CAST: variants seen among roughly 807,000 people sequenced by gnomAD.
CAST encodes MIR583 host.
CAST carries 76 observed loss-of-function variants against 119.6 expected under a neutral mutation model. The observed-to-expected ratio is 0.64, with a 90% CI of 0.53 to 0.77. The LOEUF (loss-of-function observed/expected upper bound fraction) is 0.77. Ranked by LOEUF, CAST falls within the 30% of genes least tolerant of loss-of-function variation. The pLI, the probability that CAST is intolerant of heterozygous loss-of-function variation, is 0.00. For synonymous variants in CAST, 319 were observed against 331.6 expected (o/e 0.96, Z 0.41); for missense variants, 953 against 946.5 (o/e 1.01, Z -0.09).
chr5:96,273,860 C>T, the CAST span, among the ~76,000 whole-genome samples: 2 of 152,144 alleles, frequency 1.3e-5, no homozygotes, highest in African/African-American at 4.8e-5. Flanking sequence ...CAGTGAAGTA[C>T]TGACAGGGCA....
At chr5:96,273,812 T>A in the CAST span, among the ~76,000 whole-genome samples, 2 of 152,152 alleles carry the variant, frequency 1.3e-5, no homozygotes, top group African/African-American at 2.4e-5. Context: ...TTCTGATTGC[T>A]CGAGTATCTC....
chr5:96,549,323 A>C (rs1746080953), intron 1 of CAST, among the ~76,000 whole-genome samples: 1 of 152,270 alleles, frequency 6.6e-6, no homozygotes, highest in South Asian at 2.1e-4. Context: ...GATTATTCCA[A>C]AATTGGAGCC....
the CAST span, among the ~76,000 whole-genome samples, chr5:96,280,929 T>C: frequency 2.6e-5 from 4 of 152,160 alleles, no homozygotes; most frequent in Non-Finnish European, 5.9e-5. Context: ...CCTGAATTAT[T>C]AATTTCCAGG....
At chr5:96,325,155 G>A in the CAST span, among the ~76,000 whole-genome samples, 1 of 152,038 alleles carries the variant, frequency 6.6e-6, no homozygotes, top group Non-Finnish European at 1.5e-5. Context: ...GGTTACCTGA[G>A]ATCACACCAC....
the CAST span, among the ~76,000 whole-genome samples, chr5:96,161,562 G>T: frequency 1.3e-5 from 2 of 152,088 alleles, no homozygotes; most frequent in Non-Finnish European, 2.9e-5. Flanking sequence ...AAAGCAGGAG[G>T]TATGAGTCCT....
chr5:96,035,144 A>ATT, the CAST span, among the ~76,000 whole-genome samples: 20 of 144,242 alleles, frequency 1.4e-4, no homozygotes, highest in East Asian at 9.9e-4. Context: ...ATATATACTT[A>ATT]TTTTATATAT....
At chr5:96,342,127 G>A in the CAST span, among the ~76,000 whole-genome samples, 1 of 152,154 alleles carries the variant, frequency 6.6e-6, no homozygotes, top group Admixed American at 6.6e-5. Flanking sequence ...CCACCATGAT[G>A]CCCTCCAGGT....
upstream of CAST, among the ~76,000 whole-genome samples, chr5:96,657,572 G>C (rs188361214): frequency 1.1e-3 from 162 of 152,176 alleles, 1 homozygote; most frequent in Non-Finnish European, 1.4e-3. Context: ...GAATGACTTG[G>C]TCTAGATATA....
intron 1 of CAST, among the ~76,000 whole-genome samples, chr5:96,562,741 G>A (rs1472123602): frequency 2.0e-5 from 3 of 152,158 alleles, no homozygotes; most frequent in Non-Finnish European, 2.9e-5. Context: ...CAATCTCCAG[G>A]AAGATGGGGC....
At chr5:96,072,390 G>A in the CAST span, among the ~76,000 whole-genome samples, 1 of 152,134 alleles carries the variant, frequency 6.6e-6, no homozygotes, top group Non-Finnish European at 1.5e-5. Flanking sequence ...ATTTGCAGGA[G>A]AGCTACTCAC....
At chr5:96,750,777 T>C (rs1764872867) in intron 20 of CAST, 95 bp downstream of exon 20, 1 of 632,172 alleles carries the variant, frequency 1.6e-6, no homozygotes, top group Admixed American at 2.8e-5. Flanking sequence ...TTTTATCTTA[T>C]CCTGACAAAT....
the CAST span, among the ~76,000 whole-genome samples, chr5:96,245,387 C>T: frequency 1.3e-5 from 2 of 152,146 alleles, no homozygotes; most frequent in East Asian, 3.8e-4. Flanking sequence ...AAGCTGGCAA[C>T]CACTTTATCT....
At chr5:96,689,268 T>C (rs1406743367) in intron 2 of CAST, among the ~76,000 whole-genome samples, 3 of 152,232 alleles carry the variant, frequency 2.0e-5, no homozygotes, top group East Asian at 1.9e-4. Context: ...GACAATCTTA[T>C]CAAGTAGATA....
At chr5:96,196,113 TTGTC>T in the CAST span, among the ~76,000 whole-genome samples, 1 of 151,836 alleles carries the variant, frequency 6.6e-6, no homozygotes, top group African/African-American at 2.4e-5. Flanking sequence ...TCTGTGTAGA[TTGTC>T]TGAAAGGTTT....
the CAST span, among the ~76,000 whole-genome samples, chr5:96,314,315 TG>T: frequency 6.6e-6 from 1 of 152,242 alleles, no homozygotes; most frequent in East Asian, 1.9e-4. Context: ...TTGCTGAAGT[TG>T]GGCATCTTTC....
the CAST span, among the ~76,000 whole-genome samples, chr5:95,993,865 G>T: frequency 2.0e-5 from 3 of 151,740 alleles, no homozygotes; most frequent in Non-Finnish European, 4.4e-5. Flanking sequence ...CACATGAAAA[G>T]GTACTCAACA....
At chr5:96,716,516 C>G (rs2150378193) in intron 3 of CAST, among the ~76,000 whole-genome samples, 1 of 152,306 alleles carries the variant, frequency 6.6e-6, no homozygotes, top group East Asian at 1.9e-4. Context: ...TATGTTAAGG[C>G]TCCGGGGATG....
the CAST span, among the ~76,000 whole-genome samples, chr5:96,377,125 A>G: frequency 8.0e-4 from 121 of 152,192 alleles, 1 homozygote; most frequent in African/African-American, 2.7e-3. Flanking sequence ...CTTATTACAA[A>G]AGAGCCAAAT....
At chr5:96,235,287 C>G in the CAST span, among the ~76,000 whole-genome samples, 1 of 152,200 alleles carries the variant, frequency 6.6e-6, no homozygotes, top group Non-Finnish European at 1.5e-5. Context: ...AATCCCAGCT[C>G]TCACACTAAC....
Sources: allele counts gnomAD v4.1 joint callset (sites outside exome capture counted in the v4.1 genomes callset), GRCh38; gene constraint gnomAD v4.1.1; transcripts MANE v1.5; gene names NCBI Gene and HGNC (gene_info 2026-07-23, HGNC 2026-07-21).